CPA6: variants seen among roughly 807,000 people sequenced by gnomAD.
CPA6 encodes the protein carboxypeptidase B.
Under a neutral mutation model 63.3 loss-of-function variants are expected in CPA6, and 58 were observed. The observed-to-expected ratio is 0.92, with a 90% CI of 0.74 to 1.14. The LOEUF is 1.14. CPA6 is among the 50% of genes most tolerant of loss of function. The pLI is 0.00. For missense variants in CPA6, 565 were observed against 526.6 expected, an observed-to-expected ratio of 1.07 and a Z score of -0.71; for synonymous variants, 185 against 179.0, an observed-to-expected ratio of 1.03 and a Z score of -0.27.
chr8:67,723,022 T>C (rs1256459776), intron 1 of CPA6, among the ~76,000 whole-genome samples: 2 of 152,014 alleles, frequency 1.3e-5, no homozygotes, highest in South Asian at 2.1e-4. Flanking sequence ...ATTTCCAAAA[T>C]AGAATCATAC....
intron 9 of CPA6, among the ~76,000 whole-genome samples, chr8:67,430,987 G>A (rs1810015157): frequency 6.6e-6 from 1 of 151,906 alleles, no homozygotes; most frequent in Non-Finnish European, 1.5e-5. Context: ...TCTGCCTCCT[G>A]AGTTGCTGGG....
At chr8:67,589,605 T>C (rs1218706893) in intron 2 of CPA6, among the ~76,000 whole-genome samples, 5 of 152,134 alleles carry the variant, frequency 3.3e-5, no homozygotes, top group Admixed American at 6.6e-5. Context: ...TTTTATGTGG[T>C]GTATGGTAAG....
intron 6 of CPA6, among the ~76,000 whole-genome samples, chr8:67,490,085 G>A (rs1299979561): frequency 2.0e-5 from 3 of 152,082 alleles, no homozygotes; most frequent in Non-Finnish European, 4.4e-5. Context: ...GAATCATCAC[G>A]ACGTGATGAC....
intron 1 of CPA6, among the ~76,000 whole-genome samples, chr8:67,724,236 T>C (rs1370364865): frequency 6.6e-6 from 1 of 152,186 alleles, no homozygotes; most frequent in Non-Finnish European, 1.5e-5. Context: ...CTACATGGCC[T>C]TCTCACACTC....
chr8:67,433,322 T>G (rs1296017961), intron 9 of CPA6, among the ~76,000 whole-genome samples: 1 of 152,224 alleles, frequency 6.6e-6, no homozygotes, highest in East Asian at 1.9e-4. Flanking sequence ...GTTTTTGAAC[T>G]TTATAGGCTT....
In CPA6 at chr8:67,544,657, A is replaced by T. The variant is rs149417662; in HGVS notation, c.193-26610T>A. Among the ~76,000 whole-genome samples the T allele has an allele frequency of 2.3e-3, 348 of 152,294 alleles. 1 individual carries two copies. Among genetic ancestry groups the T allele is most frequent in the African/African-American group, 7.9e-3 (328 of 41,560 alleles). On this transcript the variant is annotated intron_variant, in intron 2 of 10. Transcript: ENST00000297770. ...CATCATGCTGCTTTACGCTTTGCTA[A>T]ATGTCTAATTCATATAATTTTATCA...
At chr8:67,709,848 C>T (rs767895128) in intron 1 of CPA6, among the ~76,000 whole-genome samples, 18 of 152,092 alleles carry the variant, frequency 1.2e-4, no homozygotes, top group East Asian at 1.9e-4. Flanking sequence ...TGGTGGCTCA[C>T]GCCTGTAATC....
intron 6 of CPA6, among the ~76,000 whole-genome samples, chr8:67,488,987 T>C (rs1360925549): frequency 6.6e-6 from 1 of 152,248 alleles, no homozygotes; most frequent in Non-Finnish European, 1.5e-5. Flanking sequence ...TACAATCATG[T>C]CATCTGCAAA....
intron 8 of CPA6, among the ~76,000 whole-genome samples, chr8:67,439,902 G>A (rs988265757): frequency 6.6e-6 from 1 of 151,984 alleles, no homozygotes; most frequent in South Asian, 2.1e-4. Flanking sequence ...TTGAGATTAC[G>A]GGCATAAGCC....
chr8:67,744,115 G>A (rs1817963297), intron 1 of CPA6, among the ~76,000 whole-genome samples: 4 of 152,150 alleles, frequency 2.6e-5, no homozygotes, highest in African/African-American at 7.2e-5. Flanking sequence ...TGTCTTTTGC[G>A]ATGAGAAAAT....
Position 67,746,209 on chromosome 8 carries a change from C to A in CPA6, c.-80G>T. 1.1e-6 allele frequency: 1 copy of A among 913,936 alleles called. No homozygotes were observed. 56.6% of individuals were successfully genotyped at this position (913,936 alleles called of 1,614,324 possible). ...GTGGCTCACAGCACCCTCTACACAC[C>A]GCACAGGTTCTCCGGGAAGGGGGTG... On this transcript the variant is annotated 5_prime_UTR_variant, in exon 1 of 11. Coordinates refer to ENST00000297770, the MANE Select transcript of CPA6 (RefSeq NM_020361.5).
At chr8:67,668,186 C>T (rs1054632219) in intron 1 of CPA6, among the ~76,000 whole-genome samples, 2 of 152,206 alleles carry the variant, frequency 1.3e-5, no homozygotes, top group African/African-American at 2.4e-5. Context: ...TAAAATTATT[C>T]CTTTTATGGC....
intron 1 of CPA6, among the ~76,000 whole-genome samples, chr8:67,721,191 G>T (rs957164905): frequency 4.6e-5 from 7 of 152,200 alleles, no homozygotes; most frequent in African/African-American, 1.7e-4. Flanking sequence ...CTCTGGCTAC[G>T]CCCATTAGGT....
intron 1 of CPA6, among the ~76,000 whole-genome samples, chr8:67,724,362 C>T (rs918170525): frequency 2.0e-5 from 3 of 152,282 alleles, no homozygotes; most frequent in Middle Eastern, 6.8e-3. Flanking sequence ...GTCCTTTTGA[C>T]GTGTGCCCCC....
chr8:67,530,626 C>T (rs1401137635), intron 2 of CPA6, among the ~76,000 whole-genome samples: 4 of 152,174 alleles, frequency 2.6e-5, no homozygotes, highest in African/African-American at 7.2e-5. Flanking sequence ...AAAACGCCAA[C>T]TAGAGCTGTA....
At chr8:67,442,633 G>C (rs1282526725) in intron 8 of CPA6, among the ~76,000 whole-genome samples, 1 of 152,182 alleles carries the variant, frequency 6.6e-6, no homozygotes, top group Non-Finnish European at 1.5e-5. Flanking sequence ...GCCTAGAGTG[G>C]TAATTAGGAA....
chr8:67,636,013 C>G (rs1238397112), intron 1 of CPA6, among the ~76,000 whole-genome samples: 1 of 151,500 alleles, frequency 6.6e-6, no homozygotes, highest in Non-Finnish European at 1.5e-5. Flanking sequence ...AGATATTCAC[C>G]CTATCCCCAT....
intron 1 of CPA6, among the ~76,000 whole-genome samples, chr8:67,708,264 C>T (rs182775847): frequency 1.2e-4 from 18 of 152,210 alleles, no homozygotes; most frequent in Admixed American, 3.9e-4. Flanking sequence ...AATAATCAGG[C>T]GAAGGTTCAT....
At chr8:67,497,471 T>C (rs1312982395) in intron 6 of CPA6, among the ~76,000 whole-genome samples, 1 of 152,196 alleles carries the variant, frequency 6.6e-6, no homozygotes, top group Non-Finnish European at 1.5e-5. Flanking sequence ...GTTGTATGGT[T>C]ATACCAATAA....
Sources: allele counts gnomAD v4.1 joint callset (sites outside exome capture counted in the v4.1 genomes callset), GRCh38; gene constraint gnomAD v4.1.1; transcripts MANE v1.5; gene names NCBI Gene and HGNC (gene_info 2026-07-23, HGNC 2026-07-21).